HSPH1: variants seen among roughly 807,000 people sequenced by gnomAD.
HSPH1 encodes the protein heat shock protein 105 kDa.
HSPH1 carries 40 observed loss-of-function variants against 100.0 expected under a neutral mutation model. The ratio of observed to expected loss-of-function variants is 0.40; its 90% CI spans 0.31 to 0.52. The LOEUF (loss-of-function observed/expected upper bound fraction) is 0.52, where lower values mean the gene tolerates loss of function less well. Among genes scored for constraint, HSPH1 ranks in the 20% least tolerant of loss-of-function variants. The pLI, the probability that HSPH1 is intolerant of heterozygous loss-of-function variation, is 0.54. For synonymous variants in HSPH1, 403 were observed against 344.0 expected (o/e 1.17, Z -1.90); for missense variants, 876 against 1,015.1 (o/e 0.86, Z 1.86).
chr13:31,150,059 A>G lies in HSPH1; in HGVS notation c.1032T>C (p.Ala344=). 1 of 1,613,872 alleles carries G rather than the reference A, an allele frequency of 6.2e-7. No homozygotes were observed. Among genetic ancestry groups the G allele is most frequent in the Non-Finnish European group, 8.5e-7 (1 of 1,179,832 alleles). Residue 344 remains alanine (A), a synonymous_variant, in exon 8 of 18, where the codon GCT becomes GCC. Transcript: ENST00000320027. Reference sequence around the variant, plus strand: ...TTTCCTTCACAGCTGGAATTCGTGTAGCGCCTCCAACAATCTCAACTGCAC... The same window carrying G: ...TTTCCTTCACAGCTGGAATTCGTGTGGCGCCTCCAACAATCTCAACTGCAC... ...DVSAVEIVGG[A]TRIPAVKERI... is the part of the protein sequence containing the mutation.
Position 31,137,263 on chromosome 13 carries a change from C to CAT in HSPH1, c.*53_*54dup. ...AGTTTCAGTATGTTATGTAGAGTCA[C>CAT]ATACTATGGCAAAAATATTTTATTA... On this transcript the variant is annotated 3_prime_UTR_variant, in exon 18 of 18. Coordinates refer to ENST00000320027, the MANE Select transcript of HSPH1 (RefSeq NM_006644.4). 1.8e-6 allele frequency: 2 copies of CAT among 1,082,842 alleles called. No homozygotes were observed. Among genetic ancestry groups the CAT allele is most frequent in the Admixed American group, 3.9e-5 (2 of 50,650 alleles). 67.1% of individuals were successfully genotyped at this position (1,082,842 alleles called of 1,614,324 possible).
In HSPH1 at chr13:31,135,298, C is replaced by A. The variant is rs1955858270; in HGVS notation, c.*2020G>T. 1 of 152,154 alleles carries A rather than the reference C, an allele frequency of 6.6e-6. No individual in the cohort carries two copies. The highest frequency in any genetic ancestry group is 2.4e-5 in the African/African-American group (1 of 41,436). 9.4% of individuals were successfully genotyped at this position (152,154 alleles called of 1,614,324 possible). The stretch of plus-strand genomic sequence containing the variant: ...TTTCCCATTCACAGTTTTTAAAAAT[C>A]TTTTTTAATGGATGTCCTAATTGTA... On this transcript the variant is annotated 3_prime_UTR_variant, in exon 18 of 18. Coordinates refer to ENST00000320027, the MANE Select transcript of HSPH1 (RefSeq NM_006644.4).
chr13:31,154,831 A>C, intron 3 of HSPH1, 76 bp from the exon 4 acceptor site: 1 of 1,247,040 alleles, frequency 8.0e-7, no homozygotes, highest in East Asian at 2.4e-5. Flanking sequence ...TCCAAAAATT[A>C]GCACACATTC....
At chr13:31,141,377 A>G in intron 12 of HSPH1, 118 bp from the exon 13 acceptor site, 1 of 838,860 alleles carries the variant, frequency 1.2e-6, no homozygotes, top group Non-Finnish European at 1.8e-6. Flanking sequence ...TAAAAATCAT[A>G]AAGTTGGAAG....
intron 1 of HSPH1, among the ~76,000 whole-genome samples, chr13:31,160,904 T>G (rs1321856217): frequency 3.3e-5 from 5 of 152,160 alleles, no homozygotes; most frequent in Non-Finnish European, 5.9e-5. Flanking sequence ...GCTTCCGTGG[T>G]CGCTAACAAC....
At position 31,152,838 on chromosome 13, in the gene HSPH1, T is replaced by G. The variant is rs765698479; in HGVS notation, c.529+14A>C. On this transcript the variant is annotated intron_variant, in intron 5 of 17. Transcript: ENST00000320027. ...GATAGTATATTCACTTCCACACAAA[T>G]GCCTTTTCCTTACCAGCTGTCATGT... The G allele has an allele frequency of 3.9e-6, 6 of 1,544,410 alleles. No individual in the cohort carries two copies. The highest frequency in any genetic ancestry group is 2.7e-5 in the African/African-American group (2 of 73,490).
chr13:31,143,994 G>A (rs987277237), intron 11 of HSPH1, 71 bp from the exon 12 acceptor site: 3 of 1,304,002 alleles, frequency 2.3e-6, no homozygotes, highest in South Asian at 4.1e-5. Flanking sequence ...AAGTTAAAGG[G>A]CACCAAAGAA....
intron 7 of HSPH1, among the ~76,000 whole-genome samples, 158 bp from the exon 8 acceptor site, chr13:31,150,340 T>G (rs1956441506): frequency 6.6e-6 from 1 of 152,200 alleles, no homozygotes; most frequent in Non-Finnish European, 1.5e-5. Flanking sequence ...TTGTTTTTGA[T>G]AAATACACCA....
chr13:31,148,590 A>AC, intron 8 of HSPH1, 110 bp from the exon 9 acceptor site: 1 of 486,958 alleles, frequency 2.1e-6, no homozygotes, highest in Non-Finnish European at 3.5e-6. Flanking sequence ...AAAAAAAAAA[A>AC]CAACTCACAT....
In HSPH1 at chr13:31,150,291, C is replaced by A; in HGVS notation, c.909-109G>T. 8.2e-6 allele frequency: 6 copies of A among 728,242 alleles called. 1 individual carries two copies. The South Asian group carries it at 9.2e-5, about 11-fold the overall frequency. The allele number at this position is 728,242 out of a possible 1,614,324, so 45.1% of individuals were successfully genotyped here. On this transcript the variant is annotated intron_variant, in intron 7 of 17. Transcript: ENST00000320027. Reference sequence around the variant, plus strand: ...TCCCCCTCAGACACCTTGGATCCCACATGGGCCAAGTTTAGCTGTATTGTA... The same window carrying A: ...TCCCCCTCAGACACCTTGGATCCCAAATGGGCCAAGTTTAGCTGTATTGTA...
At chr13:31,160,384 T>C (rs1163347269) in intron 1 of HSPH1, among the ~76,000 whole-genome samples, 1 of 152,254 alleles carries the variant, frequency 6.6e-6, no homozygotes, top group Non-Finnish European at 1.5e-5. Flanking sequence ...TCAACTTTCA[T>C]AAACGTTCTC....
chr13:31,157,549 A>C (rs536339951), intron 2 of HSPH1, among the ~76,000 whole-genome samples: 15 of 152,332 alleles, frequency 9.8e-5, no homozygotes, highest in Admixed American at 7.8e-4. Flanking sequence ...TTCAAATCTG[A>C]CCTGATTTTT....
intron 4 of HSPH1, chr13:31,154,327 T>TA (rs1171223224): frequency 2.6e-6 from 1 of 386,528 alleles, no homozygotes; most frequent in African/African-American, 2.1e-5. Context: ...GCTCCTGTGT[T>TA]AAATGTACAA....
In HSPH1 at chr13:31,153,488, GC is replaced by G. The variant is rs538846088; in HGVS notation, c.430-538del. Among the ~76,000 whole-genome samples the G allele has an allele frequency of 1.3e-4, 20 of 152,142 alleles. No homozygotes were observed. In the East Asian group the frequency reaches 3.5e-3, roughly 26 times the overall value. ...GTTAAGATTACAAAATCACTTTTTG[GC>G]AAAGCCTTTCAATTTTCCTAAGAGT... On this transcript the variant is annotated intron_variant, in intron 4 of 17. Coordinates refer to ENST00000320027, the MANE Select transcript of HSPH1 (RefSeq NM_006644.4).
Position 31,137,210 on chromosome 13 carries a change from A to G in HSPH1, c.*108T>C, listed in dbSNP as rs1955910956. 2.6e-6 allele frequency: 2 copies of G among 774,874 alleles called. No homozygotes were observed. Among genetic ancestry groups the G allele is most frequent in the Admixed American group, 4.8e-5 (2 of 41,802 alleles). The allele number at this position is 774,874 out of a possible 1,614,324, so 48.0% of individuals were successfully genotyped here. A position where few individuals can be genotyped will look rare whatever the true frequency, so the allele number is the denominator to read the frequency against. On this transcript the variant is annotated 3_prime_UTR_variant, in exon 18 of 18. Transcript: ENST00000320027. ...TTTCCATATAATACACAAAATTTCT[A>G]AATATCCTTAAAAAAGAAAATATAA...
intron 1 of HSPH1, among the ~76,000 whole-genome samples, 197 bp from the exon 2 acceptor site, chr13:31,159,060 T>C: frequency 6.6e-6 from 1 of 152,218 alleles, no homozygotes; most frequent in Non-Finnish European, 1.5e-5. Context: ...CCAACCTAGG[T>C]GGCAGTTCTA....
At chr13:31,139,199 C>T (rs1955998056) in intron 14 of HSPH1, 92 bp from the exon 15 acceptor site, 5 of 806,310 alleles carry the variant, frequency 6.2e-6, no homozygotes, top group Non-Finnish European at 1.1e-5. Flanking sequence ...GGTAGCTAAT[C>T]TTATCTAGGA....
At chr13:31,158,413 G>C (rs56381536) in intron 2 of HSPH1, among the ~76,000 whole-genome samples, 40,742 of 151,784 alleles carry the variant, frequency 0.27, 5,724 homozygotes, top group East Asian at 0.46. Context: ...GCTGGGCGTG[G>C]TGACACGCGC....
At chr13:31,149,893 G>T in intron 8 of HSPH1, 61 bp downstream of exon 8, 1 of 1,304,534 alleles carries the variant, frequency 7.7e-7, no homozygotes, top group Non-Finnish European at 1.1e-6. Flanking sequence ...CCACCATGAC[G>T]ACATCCAGTG....
Sources: allele counts gnomAD v4.1 joint callset (sites outside exome capture counted in the v4.1 genomes callset), GRCh38; gene constraint gnomAD v4.1.1; transcripts MANE v1.5; gene names NCBI Gene and HGNC (gene_info 2026-07-23, HGNC 2026-07-21).